GPR4: variants seen among roughly 807,000 people sequenced by gnomAD.
GPR4 encodes G protein-coupled receptor 4.
Under a neutral mutation model 17.8 loss-of-function variants are expected in GPR4, and 11 were observed. The observed-to-expected ratio is 0.62, with a 90% CI of 0.39 to 1.02. GPR4 has a LOEUF of 1.02. GPR4 is among the 50% of genes least tolerant of loss of function. The pLI, the probability that GPR4 is intolerant of heterozygous loss-of-function variation, is 0.00. For missense variants in GPR4, 364 were observed against 495.4 expected (o/e 0.73, Z 2.52); for synonymous variants, 219 against 222.8 (o/e 0.98, Z 0.15).
chr19:45,594,061 A>T (rs28651846), intron 1 of GPR4, among the ~76,000 whole-genome samples: 1,004 of 39,116 alleles, frequency 0.026, 6 homozygotes, highest in African/African-American at 0.04. Context: ...AAAAAAAAAA[A>T]AAATATATAT....
Position 45,592,173 on chromosome 19 carries a change from TG to T in GPR4, c.-308del. ...GAGTCAGTGTGTCAACGAGGGAGTA[TG>T]GGGGTGACACAAAAATTGGTCTCCG... On this transcript the variant is annotated 5_prime_UTR_variant, in exon 2 of 2. The change creates a premature stop within an existing upstream ORF in the 5' untranslated region. Coordinates refer to ENST00000323040, the MANE Select transcript of GPR4 (RefSeq NM_005282.3). 3.3e-6 allele frequency: 1 copy of T among 302,252 alleles called. No homozygotes were observed. The highest frequency in any genetic ancestry group is 6.1e-5 in the East Asian group (1 of 16,392). 18.7% of individuals were successfully genotyped at this position (302,252 alleles called of 1,614,324 possible). A position where few individuals can be genotyped will look rare whatever the true frequency, so the allele number is the denominator to read the frequency against.
At chr19:45,601,300 G>T (rs530722074) in intron 1 of GPR4, among the ~76,000 whole-genome samples, 1 of 152,218 alleles carries the variant, frequency 6.6e-6, no homozygotes, top group Non-Finnish European at 1.5e-5. Flanking sequence ...TTCCAGGGGG[G>T]AGAGTGAGGC....
chr19:45,592,043 C>G lies in GPR4; in HGVS notation c.-177G>C, dbSNP rs774603972. ...GTAGGCTGGGCTGGGCTGGGAAGGG[C>G]AGAGCTTGAGAGGGAAAAGTTGGAG... On this transcript the variant is annotated 5_prime_UTR_variant, in exon 2 of 2. Coordinates refer to ENST00000323040, the MANE Select transcript of GPR4 (RefSeq NM_005282.3). 1.7e-6 allele frequency: 1 copy of G among 576,522 alleles called. No individual in the cohort carries two copies. Among genetic ancestry groups the G allele is most frequent in the Non-Finnish European group, 3.0e-6 (1 of 336,904 alleles). The allele number at this position is 576,522 out of a possible 1,614,324, so 35.7% of individuals were successfully genotyped here. A position where few individuals can be genotyped will look rare whatever the true frequency, so the allele number is the denominator to read the frequency against.
chr19:45,597,336 TGGGA>T (rs1378741505), intron 1 of GPR4, among the ~76,000 whole-genome samples: 1 of 152,190 alleles, frequency 6.6e-6, no homozygotes, highest in Non-Finnish European at 1.5e-5. Context: ...CTCAAAGTGC[TGGGA>T]TTACAGATGT....
At chr19:45,598,709 T>C (rs989830365) in intron 1 of GPR4, among the ~76,000 whole-genome samples, 1 of 152,196 alleles carries the variant, frequency 6.6e-6, no homozygotes. Context: ...AGGCTATTTC[T>C]GACCCCTTCC....
chr19:45,599,930 C>T (rs139523589), intron 1 of GPR4, among the ~76,000 whole-genome samples: 29 of 152,130 alleles, frequency 1.9e-4, no homozygotes, highest in East Asian at 9.6e-4. Context: ...TATTATTAAA[C>T]GCTCAGTGAT....
chr19:45,600,768 C>T (rs181524633), intron 1 of GPR4, among the ~76,000 whole-genome samples: 1 of 152,290 alleles, frequency 6.6e-6, no homozygotes, highest in African/African-American at 2.4e-5. Flanking sequence ...CAGCTCTCAG[C>T]TGCCATCACT....
chr19:45,594,354 G>A (rs1383972451), intron 1 of GPR4, among the ~76,000 whole-genome samples: 2 of 145,294 alleles, frequency 1.4e-5, no homozygotes, highest in East Asian at 2.1e-4. Context: ...CCTGGGAGGC[G>A]AAGGTTGCAG....
At position 45,591,964 on chromosome 19, in the gene GPR4, G is replaced by A. The variant is rs375965912; in HGVS notation, c.-98C>T. ...ATGGGGCCCCCTGAGCCCCTTCCTTGGAGGCTCAGGGGAACATGGTGGGAT... is the reference window on the plus strand; with the variant it reads ...ATGGGGCCCCCTGAGCCCCTTCCTTAGAGGCTCAGGGGAACATGGTGGGAT... On this transcript the variant is annotated 5_prime_UTR_variant, in exon 2 of 2. Coordinates refer to ENST00000323040, the MANE Select transcript of GPR4 (RefSeq NM_005282.3). This position sits in a 1 kb window ranked among gnomAD's most constrained non-coding sequence, Gnocchi z 7.6. The A allele has an allele frequency of 3.3e-5, 42 of 1,279,964 alleles. No individual in the cohort carries two copies. The East Asian group carries it at 4.0e-4, about 12-fold the overall frequency. 79.3% of individuals were successfully genotyped at this position (1,279,964 alleles called of 1,614,324 possible).
chr19:45,592,251 A>C lies in GPR4; in HGVS notation c.-385T>G. On this transcript the variant is annotated 5_prime_UTR_variant, in exon 2 of 2. Coordinates refer to ENST00000323040, the MANE Select transcript of GPR4 (RefSeq NM_005282.3). ...ATCGCTGGGCAATGGTGAGAAGGAG[A>C]TGGTTTGCAGGGCAATTAGGAAGTA... 4.9e-6 allele frequency: 1 copy of C among 205,436 alleles called. No individual in the cohort carries two copies. The allele number at this position is 205,436 out of a possible 1,614,324, so 12.7% of individuals were successfully genotyped here.
At chr19:45,595,019 G>A (rs1466376431) in intron 1 of GPR4, among the ~76,000 whole-genome samples, 3 of 151,584 alleles carry the variant, frequency 2.0e-5, no homozygotes, top group African/African-American at 7.3e-5. Flanking sequence ...GCTCACGCCT[G>A]TAATCCCAGC....
Position 45,591,779 on chromosome 19 carries a change from C to G in GPR4, c.88G>C (p.Val30Leu). Residue 30 changes from valine to leucine, a missense_variant, in exon 2 of 2, where the codon GTG becomes CTG. Physicochemically the swap from Val to Leu is conservative, Grantham distance 32. This residue lies in a region of GPR4 where 271 missense variants were observed against 373.1 expected (regional missense o/e 0.73). Coordinates refer to ENST00000323040, the MANE Select transcript of GPR4 (RefSeq NM_005282.3). This position sits in a 1 kb window ranked among gnomAD's most constrained non-coding sequence, Gnocchi z 7.6. ...GCCAGGCAGTTGGTGGGCAGCCCCA[C>G]GCCGATGACAAAGATGTAGAGGGAT... ...PPSLYIFVIG[V>L]GLPTNCLALW... 3.1e-6 allele frequency: 5 copies of G among 1,612,976 alleles called. No homozygotes were observed. The African/African-American group carries it at 6.7e-5, about 21-fold the overall frequency.
rs1177623997 is a variant in GPR4, at chr19:45,594,046, T to TAAAAAAA, written c.-831-1356_-831-1350dup. Among the ~76,000 whole-genome samples, 45 of 50,280 alleles carry TAAAAAAA rather than the reference T, an allele frequency of 8.9e-4. 1 individual carries two copies. The highest frequency in any genetic ancestry group is 6.0e-3 in the African/African-American group (44 of 7,380). 33.0% of individuals were successfully genotyped at this position (50,280 alleles called of 152,430 possible). A position where few individuals can be genotyped will look rare whatever the true frequency, so the allele number is the denominator to read the frequency against. On this transcript the variant is annotated intron_variant, in intron 1 of 1. Coordinates refer to ENST00000323040, the MANE Select transcript of GPR4 (RefSeq NM_005282.3). Reference sequence around the variant, plus strand: ...CAGGCATGCACCACCATGCCTGGCTTAAAAAAAAAAAAAAAAAATATATAT... The same window carrying TAAAAAAA: ...CAGGCATGCACCACCATGCCTGGCTTAAAAAAAAAAAAAAAAAAAAAAAAATATATAT...
chr19:45,590,094 T>C lies in GPR4; in HGVS notation c.*684A>G, dbSNP rs945269386. On this transcript the variant is annotated 3_prime_UTR_variant, in exon 2 of 2. Coordinates refer to ENST00000323040, the MANE Select transcript of GPR4 (RefSeq NM_005282.3). ...GCGGTCTTATGTTCCCTGGCCTGTA[T>C]GACCAGGGGCTTTGCAAACATAATG... The C allele has an allele frequency of 2.6e-5, 4 of 152,182 alleles. No individual in the cohort carries two copies. Among genetic ancestry groups the C allele is most frequent in the African/African-American group, 9.7e-5 (4 of 41,440 alleles). 9.4% of individuals were successfully genotyped at this position (152,182 alleles called of 1,614,324 possible).
In GPR4 at chr19:45,592,118, T is replaced by A; in HGVS notation, c.-252A>T. On this transcript the variant is annotated 5_prime_UTR_variant, in exon 2 of 2. Coordinates refer to ENST00000323040, the MANE Select transcript of GPR4 (RefSeq NM_005282.3). ...GAAGTCTGGAGGATGGTGAGATTAA[T>A]AAAGAGGTTTTTCAAGGAGGTTATG... is the stretch of plus-strand genomic sequence containing the variant. 2.3e-6 allele frequency: 1 copy of A among 444,168 alleles called. No individual in the cohort carries two copies. Among genetic ancestry groups the A allele is most frequent in the Non-Finnish European group, 4.2e-6 (1 of 240,874 alleles). The allele number at this position is 444,168 out of a possible 1,614,324, so 27.5% of individuals were successfully genotyped here.
In GPR4 at chr19:45,591,305, C is replaced by T; in HGVS notation, c.562G>A (p.Val188Met). Residue 188 changes from valine (V) to methionine (M), a missense_variant, in exon 2 of 2, where the codon GTG (valine) becomes ATG (methionine). This residue lies in a region of GPR4 where 271 missense variants were observed against 373.1 expected (regional missense o/e 0.73). Transcript: ENST00000323040. This position sits in a 1 kb window ranked among gnomAD's most constrained non-coding sequence, Gnocchi z 7.6. The stretch of plus-strand genomic sequence containing the variant: ...AGCGCCCACGGGAAGAGGAAGCCCA[C>T]GAACACCCGATAGAGGTTCATCCAG... ...VAWMNLYRVFVGFLFPWALML... is the reference protein window; with the variant it reads ...VAWMNLYRVFMGFLFPWALML... The T allele has an allele frequency of 6.2e-7, 1 of 1,612,590 alleles. No individual in the cohort carries two copies. The highest frequency in any genetic ancestry group is 8.5e-7 in the Non-Finnish European group (1 of 1,179,680).
rs1331662690 is a variant in GPR4 at position 45,590,786 on chromosome 19, C to T, written c.1081G>A (p.Ala361Thr). The change falls in exon 2 of 2, where the codon GCA becomes ACA. Residue 361 changes from alanine to threonine, a missense_variant. Physicochemically the swap from Ala to Thr is moderately conservative, Grantham distance 58 (BLOSUM62 0). Around this residue, in one of 3 missense-constraint regions of GPR4, gnomAD observed 92 missense variants for 106.0 expected, o/e 0.87. Coordinates refer to ENST00000323040, the MANE Select transcript of GPR4 (RefSeq NM_005282.3). The stretch of plus-strand genomic sequence containing the variant: ...TCTGTGCCACTCGGGGTTCATTGTG[C>T]TGGCGGCAGCATCTTCAGCTGCACC... ...DQVQLKMLPP[A>T]Q 6.4e-7 allele frequency: 1 copy of T among 1,567,292 alleles called. No homozygotes were observed. The highest frequency in any genetic ancestry group is 1.2e-5 in the South Asian group (1 of 83,640).
intron 1 of GPR4, among the ~76,000 whole-genome samples, chr19:45,594,865 C>A (rs1370844284): frequency 6.6e-6 from 1 of 151,800 alleles, no homozygotes; most frequent in Non-Finnish European, 1.5e-5. Context: ...TACCTGTAAT[C>A]CCAGCTACTC....
chr19:45,601,843 AAGAC>A lies in GPR4; in HGVS notation c.-832+248_-832+251del, dbSNP rs1970114666. ...AGACAGAGAGGCAGAGATCAAGAAA[AAGAC>A]AGAGACATCCAGAGACACAGAAGGA... On this transcript the variant is annotated intron_variant, in intron 1 of 1. Coordinates refer to ENST00000323040, the MANE Select transcript of GPR4 (RefSeq NM_005282.3). Among the ~76,000 whole-genome samples the A allele has an allele frequency of 4.6e-5, 7 of 152,126 alleles. No homozygotes were observed. The South Asian group carries it at 1.0e-3, about 23-fold the overall frequency.
Sources: allele counts gnomAD v4.1 joint callset (sites outside exome capture counted in the v4.1 genomes callset), GRCh38; gene constraint gnomAD v4.1.1; regional missense constraint gnomAD v4.1.1; non-coding constraint Gnocchi (gnomAD v3.1); transcripts MANE v1.5; gene names NCBI Gene and HGNC (gene_info 2026-07-23, HGNC 2026-07-21).